CFAP95: variants seen among roughly 807,000 people sequenced by gnomAD.
CFAP95 encodes cilia and flagella associated protein 95, also known as cilia- and flagella-associated protein 95.
the CFAP95 span, among the ~76,000 whole-genome samples, chr9:69,839,485 G>A: frequency 1.3e-5 from 2 of 152,180 alleles, no homozygotes; most frequent in African/African-American, 4.8e-5. Context: ...CCAGTGTAGT[G>A]GTGTGATCTC....
the CFAP95 span, chr9:69,856,690 T>C: frequency 6.4e-7 from 1 of 1,563,130 alleles, no homozygotes; most frequent in South Asian, 1.1e-5. Context: ...TTAATACTTT[T>C]CTTTACTTTA....
the CFAP95 span, among the ~76,000 whole-genome samples, chr9:69,835,191 C>T: frequency 3.0e-4 from 45 of 152,208 alleles, no homozygotes; most frequent in Non-Finnish European, 5.4e-4. Flanking sequence ...CAATAGCTAA[C>T]GGCATGGTTG....
the CFAP95 span, among the ~76,000 whole-genome samples, chr9:69,830,825 C>CT: frequency 4.2e-4 from 64 of 151,622 alleles, no homozygotes; most frequent in Non-Finnish European, 7.1e-4. Flanking sequence ...TTTTAAAAAA[C>CT]TTTTTTTTTC....
the CFAP95 span, among the ~76,000 whole-genome samples, chr9:69,841,352 C>T: frequency 1.3e-5 from 2 of 151,360 alleles, no homozygotes; most frequent in Non-Finnish European, 1.5e-5. Flanking sequence ...GGATGTACTC[C>T]GGTTTTATTG....
At chr9:69,838,038 T>C in the CFAP95 span, among the ~76,000 whole-genome samples, 3 of 152,198 alleles carry the variant, frequency 2.0e-5, no homozygotes, top group Non-Finnish European at 1.5e-5. Flanking sequence ...GATCAGATAG[T>C]TGTAGATATG....
the CFAP95 span, among the ~76,000 whole-genome samples, chr9:69,905,282 A>G: frequency 1.1e-4 from 16 of 152,316 alleles, no homozygotes; most frequent in African/African-American, 3.8e-4. Context: ...ATTAGAGCCA[A>G]TTTAAAGCAG....
the CFAP95 span, among the ~76,000 whole-genome samples, chr9:69,858,452 T>C: frequency 6.6e-6 from 1 of 152,210 alleles, no homozygotes; most frequent in East Asian, 1.9e-4. Flanking sequence ...GTTGGTGATC[T>C]TGTTTAAGAC....
the CFAP95 span, chr9:69,902,427 C>A: frequency 2.5e-6 from 1 of 406,314 alleles, no homozygotes; most frequent in South Asian, 1.8e-5. Flanking sequence ...GCTCAAAAAT[C>A]CTATTTTGTA....
At chr9:69,851,321 CTG>C in the CFAP95 span, among the ~76,000 whole-genome samples, 2 of 152,112 alleles carry the variant, frequency 1.3e-5, no homozygotes, top group African/African-American at 4.8e-5. Context: ...GGACAAAATG[CTG>C]TGCAGCTTCC....
At chr9:69,821,351 C>T in the CFAP95 span, among the ~76,000 whole-genome samples, 1 of 151,996 alleles carries the variant, frequency 6.6e-6, no homozygotes, top group African/African-American at 2.4e-5. Flanking sequence ...AATAGGAGAG[C>T]CTTTCAGGGG....
chr9:69,828,192 A>G, the CFAP95 span, among the ~76,000 whole-genome samples: 1 of 152,226 alleles, frequency 6.6e-6, no homozygotes, highest in Non-Finnish European at 1.5e-5. Context: ...GTTAATCAAT[A>G]ATACTCCATT....
At chr9:69,835,480 G>C in the CFAP95 span, among the ~76,000 whole-genome samples, 6 of 152,318 alleles carry the variant, frequency 3.9e-5, no homozygotes, top group East Asian at 1.2e-3. Context: ...CATTGCAAAG[G>C]ACTAGCATCT....
the CFAP95 span, among the ~76,000 whole-genome samples, chr9:69,837,878 G>A: frequency 6.6e-6 from 1 of 152,188 alleles, no homozygotes; most frequent in Non-Finnish European, 1.5e-5. Context: ...TAACGTTTAA[G>A]TCTTTAATCC....
the CFAP95 span, among the ~76,000 whole-genome samples, chr9:69,826,394 C>T: frequency 1.3e-4 from 20 of 152,176 alleles, no homozygotes; most frequent in Non-Finnish European, 8.8e-5. Context: ...TAGAGTTCCT[C>T]CTGTCACTGG....
chr9:69,875,365 T>C, the CFAP95 span, among the ~76,000 whole-genome samples: 1 of 152,226 alleles, frequency 6.6e-6, no homozygotes, highest in Non-Finnish European at 1.5e-5. Flanking sequence ...CTTTCACCTG[T>C]ATTTACTTTG....
At chr9:69,844,374 ATACT>A in the CFAP95 span, 1 of 509,604 alleles carries the variant, frequency 2.0e-6, no homozygotes, top group Non-Finnish European at 3.3e-6. Flanking sequence ...GAGATGGAAA[ATACT>A]TTATATGTCA....
chr9:69,877,122 A>G, the CFAP95 span, among the ~76,000 whole-genome samples: 4 of 152,346 alleles, frequency 2.6e-5, no homozygotes, highest in South Asian at 2.1e-4. Context: ...ATATACATGT[A>G]ATTATATATG....
At chr9:69,879,950 T>G in the CFAP95 span, among the ~76,000 whole-genome samples, 1 of 152,152 alleles carries the variant, frequency 6.6e-6, no homozygotes, top group African/African-American at 2.4e-5. Context: ...TCACACTGTA[T>G]ATACTTTTAT....
chr9:69,878,232 GT>G, the CFAP95 span, among the ~76,000 whole-genome samples: 3 of 152,088 alleles, frequency 2.0e-5, no homozygotes, highest in Non-Finnish European at 4.4e-5. Context: ...CCTTCTAGTT[GT>G]ACTGCTCCTT....
Sources: gnomAD v4.1 joint callset for allele counts (sites outside exome capture counted in the v4.1 genomes callset) on GRCh38, gnomAD v4.1.1 for gene constraint, MANE v1.5 for transcripts, NCBI Gene and HGNC (gene_info 2026-07-23, HGNC 2026-07-21) for gene names.